COL12A1: variants seen among roughly 807,000 people sequenced by gnomAD.
COL12A1 encodes the protein collagen type XII alpha 1 chain, also known as collagen alpha-1(XII) chain.
Under a neutral mutation model 349.7 loss-of-function variants are expected in COL12A1, and 114 were observed. The ratio of observed to expected loss-of-function variants is 0.33; its 90% CI spans 0.28 to 0.38. The LOEUF (loss-of-function observed/expected upper bound fraction) is 0.38, where lower values mean the gene tolerates loss of function less well. Ranked by LOEUF, COL12A1 falls within the 10% of genes least tolerant of loss-of-function variation. The pLI is 1.00. For missense variants in COL12A1, 3,284 were observed against 3,756.9 expected (o/e 0.87, Z 3.29); for synonymous variants, 1,369 against 1,329.0 (o/e 1.03, Z -0.66).
intron 2 of COL12A1, among the ~76,000 whole-genome samples, chr6:75,200,180 T>G (rs2149489789): frequency 6.6e-6 from 1 of 152,292 alleles, no homozygotes. Context: ...CCCCAAATTT[T>G]GTTAGCCCTT....
At chr6:75,147,567 A>G in intron 23 of COL12A1, 108 bp downstream of exon 23, 1 of 1,093,792 alleles carries the variant, frequency 9.1e-7, no homozygotes, top group Non-Finnish European at 1.3e-6. Flanking sequence ...AAATATTTAT[A>G]GAATGAATGT....
chr6:75,163,468 T>A (rs546744114), intron 14 of COL12A1, among the ~76,000 whole-genome samples: 3 of 151,640 alleles, frequency 2.0e-5, no homozygotes, highest in Non-Finnish European at 4.4e-5. Flanking sequence ...ACAATAAGAA[T>A]ACATGGACAC....
At chr6:75,135,689 A>G (rs1179968587) in intron 31 of COL12A1, among the ~76,000 whole-genome samples, 1 of 152,338 alleles carries the variant, frequency 6.6e-6, no homozygotes, top group East Asian at 1.9e-4. Flanking sequence ...CTTAGCACTC[A>G]TCCACTCAAG....
intron 46 of COL12A1, among the ~76,000 whole-genome samples, chr6:75,118,795 G>C (rs1769208991): frequency 6.6e-6 from 1 of 152,194 alleles, no homozygotes; most frequent in South Asian, 2.1e-4. Flanking sequence ...CTTCCAGCCA[G>C]TATGGGAAAA....
At chr6:75,110,832 CAGGAA>C (rs1768802413) in intron 51 of COL12A1, among the ~76,000 whole-genome samples, 2 of 152,016 alleles carry the variant, frequency 1.3e-5, no homozygotes, top group African/African-American at 2.4e-5. Flanking sequence ...AACTTCAATT[CAGGAA>C]TTAGACGGAA....
chr6:75,124,160 C>G, intron 41 of COL12A1, 66 bp from the exon 42 acceptor site: 1 of 1,592,696 alleles, frequency 6.3e-7, no homozygotes, highest in South Asian at 1.1e-5. Context: ...AATTTTATAT[C>G]GCATTGTTAT....
At chr6:75,093,848 T>C (rs1767884142) in intron 60 of COL12A1, among the ~76,000 whole-genome samples, 1 of 152,204 alleles carries the variant, frequency 6.6e-6, no homozygotes, top group South Asian at 2.1e-4. Context: ...ACATTTCTTT[T>C]AGGCTTCTAG....
chr6:75,182,432 A>G (rs919690980), intron 10 of COL12A1, among the ~76,000 whole-genome samples: 1 of 151,078 alleles, frequency 6.6e-6, no homozygotes, highest in African/African-American at 2.4e-5. Flanking sequence ...TCATTATTCA[A>G]CTCCCACATA....
chr6:75,175,248 A>C lies in COL12A1; in HGVS notation c.2500T>G (p.Trp834Gly). 1 of 1,614,200 alleles carries C rather than the reference A, an allele frequency of 6.2e-7. No individual in the cohort carries two copies. Among genetic ancestry groups the C allele is most frequent in the Non-Finnish European group, 8.5e-7 (1 of 1,180,028 alleles). Residue 834 changes from tryptophan to glycine, a missense_variant, in exon 13 of 66, where the codon TGG becomes GGG. Around this residue, in one of 2 missense-constraint regions of COL12A1, gnomAD observed 2,601 missense variants for 2,824.8 expected, o/e 0.92. Transcript: ENST00000322507. ...DPTTSTMKLSWSGAPGKVKQY... is the reference protein window; with the variant it reads ...DPTTSTMKLSGSGAPGKVKQY... ...TTCACTTTTCCTGGTGCCCCACTCC[A>C]AGATAATTTCATAGTAGACGTCGTA...
chr6:75,141,519 C>T lies in COL12A1; in HGVS notation c.4957+513G>A, dbSNP rs13205451. Among the ~76,000 whole-genome samples, 343 of 152,328 alleles carry T rather than the reference C, an allele frequency of 2.3e-3. 1 individual carries two copies. The highest frequency in any genetic ancestry group is 3.6e-3 in the Non-Finnish European group (244 of 68,034). ...AGTCGCCCCTTCCTCTGAAATCTGA[C>T]AGCACACAATTTCAGTGCCACCTGA... On this transcript the variant is annotated intron_variant, in intron 27 of 65. Transcript: ENST00000322507.
At chr6:75,117,275 G>C in intron 47 of COL12A1, 107 bp downstream of exon 47, 1 of 1,098,698 alleles carries the variant, frequency 9.1e-7, no homozygotes, top group Non-Finnish European at 1.3e-6. Context: ...GATTTCCCAG[G>C]ATCTATTTAT....
chr6:75,095,515 G>A (rs1181190089), intron 59 of COL12A1, among the ~76,000 whole-genome samples: 2 of 151,382 alleles, frequency 1.3e-5, no homozygotes, highest in African/African-American at 2.4e-5. Flanking sequence ...TACTCGGGAG[G>A]CTGAGGCAGG....
chr6:75,155,668 T>C lies in COL12A1; in HGVS notation c.3437A>G (p.Glu1146Gly), dbSNP rs773325832. 6.2e-7 allele frequency: 1 copy of C among 1,601,706 alleles called. No individual in the cohort carries two copies. The highest frequency in any genetic ancestry group is 8.5e-7 in the Non-Finnish European group (1 of 1,176,118). Residue 1146 changes from glutamate to glycine, a missense_variant, in exon 16 of 66, where the codon GAA (glutamate) becomes GGA (glycine). By Grantham distance (98) the Glu-to-Gly change is moderately conservative. Coordinates refer to ENST00000322507, the MANE Select transcript of COL12A1 (RefSeq NM_004370.6). Reference sequence around the variant, plus strand: ...AAACGTAGTTAATTCCTACCTAAGTTCCTCCAAAACAACTGTGTTGTCATA... The same window carrying C: ...AAACGTAGTTAATTCCTACCTAAGTCCCTCCAAAACAACTGTGTTGTCATA... ...GPYDNTVVLE[E>G]LRAGTTYKVN...
At chr6:75,117,667 CT>C in intron 46 of COL12A1, 121 bp from the exon 47 acceptor site, 3 of 995,922 alleles carry the variant, frequency 3.0e-6, no homozygotes, top group East Asian at 2.6e-5. Context: ...GCAGCAAGTC[CT>C]TTTACTTGAC....
chr6:75,090,249 G>A lies in COL12A1; in HGVS notation c.8802C>T (p.Tyr2934=), dbSNP rs746147543. ...GGCCTGGCTGGTTGCGACTGGACTG[G>A]TAATCATTTGGAATCTGATTCAGCA... is the stretch of plus-strand genomic sequence containing the variant. ...NQMLNQIPND[Y]QSSRNQPGPP... Residue 2934 remains tyrosine (Y), a synonymous_variant, in exon 63 of 66, where the codon TAC becomes TAT. Transcript: ENST00000322507. This position sits in a 1 kb window ranked among gnomAD's most constrained non-coding sequence, Gnocchi z 4.1. 2 of 1,613,700 alleles carry A rather than the reference G, an allele frequency of 1.2e-6. No individual in the cohort carries two copies. Among genetic ancestry groups the A allele is most frequent in the Non-Finnish European group, 1.7e-6 (2 of 1,179,710 alleles).
intron 14 of COL12A1, among the ~76,000 whole-genome samples, chr6:75,156,888 CT>C (rs1475871207): frequency 6.6e-6 from 1 of 152,112 alleles, no homozygotes; most frequent in Non-Finnish European, 1.5e-5. Flanking sequence ...GTGGAGAATA[CT>C]AAAAATTATG....
At chr6:75,091,613 T>A in intron 60 of COL12A1, 88 bp from the exon 61 acceptor site, 1 of 1,297,342 alleles carries the variant, frequency 7.7e-7, no homozygotes, top group Non-Finnish European at 1.1e-6. Flanking sequence ...CGAGAACAAG[T>A]TCTGTTTTCT....
intron 51 of COL12A1, among the ~76,000 whole-genome samples, chr6:75,111,961 C>A (rs373218054): frequency 4.6e-5 from 7 of 151,640 alleles, no homozygotes; most frequent in Non-Finnish European, 8.9e-5. Flanking sequence ...GGAGTAGAAA[C>A]AGTAAGAAAT....
chr6:75,156,541 G>A lies in COL12A1; in HGVS notation c.2984-18C>T. The A allele has an allele frequency of 6.2e-7, 1 of 1,611,240 alleles. No individual in the cohort carries two copies. Among genetic ancestry groups the A allele is most frequent in the African/African-American group, 1.3e-5 (1 of 74,944 alleles). On this transcript the variant is annotated intron_variant, in intron 14 of 65. Coordinates refer to ENST00000322507, the MANE Select transcript of COL12A1 (RefSeq NM_004370.6). ...TTGAGATACTGGGAGATAAAAGGAAGATTAAACTGTATACCATGTTGAAAA... is the reference window on the plus strand; with the variant it reads ...TTGAGATACTGGGAGATAAAAGGAAAATTAAACTGTATACCATGTTGAAAA...
Sources: gnomAD v4.1 joint callset for allele counts (sites outside exome capture counted in the v4.1 genomes callset) on GRCh38, gnomAD v4.1.1 for gene constraint, gnomAD v4.1.1 regional missense constraint, Gnocchi (gnomAD v3.1) non-coding constraint, MANE v1.5 for transcripts, NCBI Gene and HGNC (gene_info 2026-07-23, HGNC 2026-07-21) for gene names.